Variants in GRIN2B observed in about 807,000 individuals in gnomAD.
The protein encoded by GRIN2B is glutamate receptor ionotropic, NMDA 2B.
A neutral mutation model predicts 114.5 loss-of-function variants in GRIN2B; 5 were observed. The observed-to-expected ratio is 0.04, with a 90% CI of 0.02 to 0.09. The LOEUF is 0.09. GRIN2B is among the 10% of genes least tolerant of loss of function. The pLI, the probability that GRIN2B is intolerant of heterozygous loss-of-function variation, is 1.00. For synonymous variants in GRIN2B, 787 were observed against 745.1 expected, an observed-to-expected ratio of 1.06 and a Z score of -0.92; for missense variants, 1,108 against 1,943.5, an observed-to-expected ratio of 0.57 and a Z score of 8.08.
chr12:13,916,780 G>A (rs190789797), intron 2 of GRIN2B, among the ~76,000 whole-genome samples: 34 of 128,910 alleles, frequency 2.6e-4, no homozygotes, highest in Middle Eastern at 9.3e-3. Flanking sequence ...CTCAATGTAC[G>A]CCAGGATGAC....
At chr12:13,815,782 T>G (rs1366579145) in intron 3 of GRIN2B, among the ~76,000 whole-genome samples, 1 of 152,230 alleles carries the variant, frequency 6.6e-6, no homozygotes, top group African/African-American at 2.4e-5. Context: ...ATTTTCTTTC[T>G]CCCATTCTAA....
chr12:13,657,850 T>C (rs1700978233), intron 5 of GRIN2B, among the ~76,000 whole-genome samples: 1 of 152,234 alleles, frequency 6.6e-6, no homozygotes, highest in Non-Finnish European at 1.5e-5. Context: ...GATTATAGAT[T>C]ATAAAACAGG....
intron 4 of GRIN2B, among the ~76,000 whole-genome samples, chr12:13,727,512 A>T (rs1863012541): frequency 6.6e-6 from 1 of 152,188 alleles, no homozygotes; most frequent in African/African-American, 2.4e-5. Context: ...TTCCCTCATT[A>T]GATGTGACAC....
Position 13,865,861 on chromosome 12 carries a change from T to C in GRIN2B, c.348A>G (p.Ser116=), listed in dbSNP as rs369700137. The C allele has an allele frequency of 6.2e-7, 1 of 1,614,032 alleles. No homozygotes were observed. The highest frequency in any genetic ancestry group is 1.1e-5 in the South Asian group (1 of 91,078). ...EAIAQILDFI[S]AQTLTPILGI... is the part of the protein sequence containing the mutation. ...CCAGGATGGGGGTGAGAGTCTGTGC[T>C]GAAATGAAATCGAGGATCTGGGCGA... The change falls in exon 3 of 14, where the codon TCA becomes TCG. Residue 116 remains serine (S), a synonymous_variant. Coordinates refer to ENST00000609686, the MANE Select transcript of GRIN2B (RefSeq NM_000834.5).
At chr12:13,589,534 A>T (rs1016562040) in intron 10 of GRIN2B, among the ~76,000 whole-genome samples, 1 of 152,248 alleles carries the variant, frequency 6.6e-6, no homozygotes, top group Non-Finnish European at 1.5e-5. Context: ...GATTATGTTT[A>T]TGCAGAGCTG....
At chr12:13,822,775 A>G (rs1270812497) in intron 3 of GRIN2B, among the ~76,000 whole-genome samples, 1 of 128,600 alleles carries the variant, frequency 7.8e-6, no homozygotes, top group African/African-American at 3.1e-5. Flanking sequence ...CTTTTGATAT[A>G]GGAACAAAGC....
chr12:13,920,384 GA>G (rs1389981231), intron 2 of GRIN2B, among the ~76,000 whole-genome samples: 1 of 152,110 alleles, frequency 6.6e-6, no homozygotes, highest in Non-Finnish European at 1.5e-5. Context: ...ACTTCTCAAG[GA>G]AAAAATTCAA....
chr12:13,874,052 C>G (rs73296769), intron 2 of GRIN2B, among the ~76,000 whole-genome samples: 2 of 152,156 alleles, frequency 1.3e-5, no homozygotes, highest in Non-Finnish European at 2.9e-5. Context: ...CAGGTAAGGA[C>G]GCCCATCCTA....
intron 3 of GRIN2B, among the ~76,000 whole-genome samples, chr12:13,838,122 C>T (rs1865310990): frequency 6.6e-6 from 1 of 151,978 alleles, no homozygotes; most frequent in Non-Finnish European, 1.5e-5. Flanking sequence ...GTGCAAAAGG[C>T]TACATATCGG....
rs1380610043 is a variant in GRIN2B, at chr12:13,564,769, T to C, written c.2599-130A>G. 4.6e-6 allele frequency: 4 copies of C among 861,118 alleles called. No individual in the cohort carries two copies. In the East Asian group the frequency reaches 9.9e-5, roughly 21 times the overall value. 53.3% of individuals were successfully genotyped at this position (861,118 alleles called of 1,614,324 possible). ...AAAGCATGAAGCGAATAGTCTAATATACTATTAGATGTGGCTAGAAGTTTG... is the reference window on the plus strand; with the variant it reads ...AAAGCATGAAGCGAATAGTCTAATACACTATTAGATGTGGCTAGAAGTTTG... On this transcript the variant is annotated intron_variant, in intron 13 of 13. Coordinates refer to ENST00000609686, the MANE Select transcript of GRIN2B (RefSeq NM_000834.5). This position sits in a 1 kb window ranked among gnomAD's most constrained non-coding sequence, Gnocchi z 4.8.
At chr12:13,595,726 G>A (rs960153225) in intron 10 of GRIN2B, among the ~76,000 whole-genome samples, 4 of 152,144 alleles carry the variant, frequency 2.6e-5, no homozygotes, top group African/African-American at 7.2e-5. Flanking sequence ...GCTGAAGGCT[G>A]CATTGTTCTT....
chr12:13,762,072 C>T (rs1031944773), intron 3 of GRIN2B, among the ~76,000 whole-genome samples: 1 of 152,136 alleles, frequency 6.6e-6, no homozygotes, highest in Non-Finnish European at 1.5e-5. Context: ...GGTGCAATCT[C>T]GGCTCACTGC....
intron 5 of GRIN2B, among the ~76,000 whole-genome samples, chr12:13,662,230 G>A (rs762398356): frequency 2.0e-5 from 3 of 151,994 alleles, no homozygotes; most frequent in Non-Finnish European, 4.4e-5. Context: ...ATCTAGCAGC[G>A]AGAAAAAAAT....
rs1452515828 is a variant in GRIN2B at position 13,564,540 on chromosome 12, G to A, written c.2698C>T (p.Arg900Cys). 6.2e-7 allele frequency: 1 copy of A among 1,614,094 alleles called. No homozygotes were observed. Among genetic ancestry groups the A allele is most frequent in the Non-Finnish European group, 8.5e-7 (1 of 1,179,942 alleles). The stretch of plus-strand genomic sequence containing the variant: ...ATGTTCTTGGCCGTGCGCAGCAGGC[G>A]CAGGATGTTGGAGTGTGTGTTGTTC... ...TMNNTHSNIL[R>C]LLRTAKNMAN... The change falls in exon 14 of 14, where the codon CGC becomes TGC. Residue 900 changes from arginine to cysteine, a missense_variant. By Grantham distance (180) the Arg-to-Cys change is radical. Transcript: ENST00000609686. The surrounding 1 kb of genome is among the most constrained non-coding windows in gnomAD (Gnocchi z 4.8).
intron 3 of GRIN2B, among the ~76,000 whole-genome samples, chr12:13,862,681 A>C (rs1865769358): frequency 1.3e-5 from 2 of 151,474 alleles, no homozygotes; most frequent in African/African-American, 4.9e-5. Flanking sequence ...AAACAAAACA[A>C]AAAAAAAACC....
At chr12:13,904,361 G>A (rs1866504880) in intron 2 of GRIN2B, among the ~76,000 whole-genome samples, 1 of 151,994 alleles carries the variant, frequency 6.6e-6, no homozygotes, top group South Asian at 2.1e-4. Flanking sequence ...ATTTATCAAA[G>A]TTTAGAGTTA....
At chr12:13,962,852 T>A (rs1482270901) in intron 2 of GRIN2B, among the ~76,000 whole-genome samples, 1 of 152,188 alleles carries the variant, frequency 6.6e-6, no homozygotes, top group Non-Finnish European at 1.5e-5. Context: ...TGCCACCTCG[T>A]CGTCCGCTAG....
chr12:13,732,520 T>C (rs1009585250), intron 4 of GRIN2B, among the ~76,000 whole-genome samples: 4 of 152,238 alleles, frequency 2.6e-5, no homozygotes, highest in African/African-American at 9.6e-5. Flanking sequence ...GTATCAAGGC[T>C]GTAACTTCAG....
chr12:13,593,080 G>C (rs1228119083), intron 10 of GRIN2B, among the ~76,000 whole-genome samples: 1 of 152,048 alleles, frequency 6.6e-6, no homozygotes, highest in Admixed American at 6.6e-5. Flanking sequence ...TAAGGATAAT[G>C]TGGATAGGAA....
Sources: allele counts gnomAD v4.1 joint callset (sites outside exome capture counted in the v4.1 genomes callset), GRCh38; gene constraint gnomAD v4.1.1; non-coding constraint Gnocchi (gnomAD v3.1); transcripts MANE v1.5; gene names NCBI Gene and HGNC (gene_info 2026-07-23, HGNC 2026-07-21).